DEFB114: variants seen among roughly 807,000 people sequenced by gnomAD.
DEFB114 encodes the protein beta-defensin 114.
In DEFB114, 4 loss-of-function variants were observed where a neutral mutation model predicts 2.4. The ratio of observed to expected loss-of-function variants is 1.67; its 90% CI spans 0.82 to 3.82. DEFB114 has a LOEUF of 3.82. DEFB114 is among the 30% of genes most tolerant of loss of function. The pLI is 0.01. For missense variants in DEFB114, 113 were observed against 85.8 expected, an observed-to-expected ratio of 1.32 and a Z score of -1.25; for synonymous variants, 35 against 24.6, an observed-to-expected ratio of 1.42 and a Z score of -1.26.
intron 1 of DEFB114, among the ~76,000 whole-genome samples, chr6:49,963,241 T>G (rs1351746284): frequency 6.7e-6 from 1 of 150,220 alleles, no homozygotes; most frequent in Non-Finnish European, 1.5e-5. Flanking sequence ...AGTTTCTTGT[T>G]CACAATATTC....
intron 1 of DEFB114, among the ~76,000 whole-genome samples, chr6:49,963,442 CAT>C (rs1480906634): frequency 1.3e-5 from 2 of 149,880 alleles, no homozygotes; most frequent in African/African-American, 2.4e-5. Context: ...AGTCTTATTA[CAT>C]GTTTGTAACT....
chr6:49,960,744 C>T (rs945867950), intron 1 of DEFB114, among the ~76,000 whole-genome samples: 8 of 150,626 alleles, frequency 5.3e-5, no homozygotes, highest in Non-Finnish European at 7.4e-5. Flanking sequence ...TAGAGCTACA[C>T]GACAATGTGC....
At chr6:49,961,876 A>C (rs1347219142) in intron 1 of DEFB114, among the ~76,000 whole-genome samples, 2 of 150,814 alleles carry the variant, frequency 1.3e-5, no homozygotes, top group Non-Finnish European at 3.0e-5. Context: ...ACAGTACAGC[A>C]CATATATTTT....
intron 1 of DEFB114, among the ~76,000 whole-genome samples, chr6:49,963,113 C>T (rs908094675): frequency 1.4e-4 from 21 of 149,982 alleles, no homozygotes; most frequent in African/African-American, 4.6e-4. Context: ...CAAACTTTTC[C>T]AGATAATAGA....
chr6:49,960,968 G>A (rs1773449244), intron 1 of DEFB114, among the ~76,000 whole-genome samples: 1 of 150,360 alleles, frequency 6.7e-6, no homozygotes, highest in Non-Finnish European at 1.5e-5. Flanking sequence ...TATTTATGTT[G>A]AATACTTTTC....
chr6:49,962,502 T>C (rs982157584), intron 1 of DEFB114, among the ~76,000 whole-genome samples: 12 of 150,402 alleles, frequency 8.0e-5, no homozygotes, highest in African/African-American at 2.7e-4. Flanking sequence ...GTTCCTTTTA[T>C]ATGCTAAATG....
intron 1 of DEFB114, among the ~76,000 whole-genome samples, chr6:49,963,321 T>A (rs1457269645): frequency 6.7e-6 from 1 of 150,236 alleles, no homozygotes; most frequent in Non-Finnish European, 1.5e-5. Flanking sequence ...TTGCCTTCAC[T>A]TTTTCTTTAC....
intron 1 of DEFB114, among the ~76,000 whole-genome samples, chr6:49,963,303 G>A (rs1011988067): frequency 1.1e-4 from 16 of 149,978 alleles, no homozygotes; most frequent in African/African-American, 3.9e-4. Context: ...CTCTGATAAA[G>A]TTTAGTTTTG....
intron 1 of DEFB114, among the ~76,000 whole-genome samples, chr6:49,963,352 A>G (rs1228012332): frequency 6.7e-6 from 1 of 150,088 alleles, no homozygotes; most frequent in Non-Finnish European, 1.5e-5. Flanking sequence ...AAGCTTTATT[A>G]ATTTTGTTAG....
intron 1 of DEFB114, among the ~76,000 whole-genome samples, 163 bp from the exon 2 acceptor site, chr6:49,960,609 A>G (rs1480776337): frequency 6.6e-6 from 1 of 150,978 alleles, no homozygotes; most frequent in Non-Finnish European, 1.5e-5. Context: ...ACTATCTTAT[A>G]CCCCAAATAT....
At chr6:49,962,345 G>A (rs1773476456) in intron 1 of DEFB114, among the ~76,000 whole-genome samples, 1 of 150,196 alleles carries the variant, frequency 6.7e-6, no homozygotes. Flanking sequence ...CAATTTTTCT[G>A]ATTACTGAAA....
intron 1 of DEFB114, among the ~76,000 whole-genome samples, chr6:49,960,889 T>C (rs1350295639): frequency 1.3e-5 from 2 of 150,920 alleles, no homozygotes; most frequent in East Asian, 3.9e-4. Context: ...AGTTTAATTT[T>C]AGAGTTTTGG....
At chr6:49,960,630 C>T (rs180837869) in intron 1 of DEFB114, among the ~76,000 whole-genome samples, 184 bp from the exon 2 acceptor site, 52 of 150,618 alleles carry the variant, frequency 3.5e-4, no homozygotes, top group Non-Finnish European at 4.6e-4. Context: ...ATATAACTAT[C>T]TTATACCCCA....
intron 1 of DEFB114, among the ~76,000 whole-genome samples, chr6:49,961,853 T>C (rs1227148754): frequency 6.6e-6 from 1 of 150,838 alleles, no homozygotes; most frequent in Non-Finnish European, 1.5e-5. Flanking sequence ...TTTTAAAGCT[T>C]TATGTGAATG....
intron 1 of DEFB114, 58 bp downstream of exon 1, chr6:49,963,993 A>G (rs1773502551): frequency 7.9e-7 from 1 of 1,273,274 alleles, no homozygotes; most frequent in South Asian, 1.3e-5. Context: ...TTAATAATTT[A>G]TTATTTCTAT....
In DEFB114 at chr6:49,960,250, G is replaced by A. The variant is rs1773432699; in HGVS notation, c.*42C>T. 9 of 1,545,068 alleles carry A rather than the reference G, an allele frequency of 5.8e-6. No homozygotes were observed. Among genetic ancestry groups the A allele is most frequent in the South Asian group, 1.3e-5 (1 of 79,864 alleles). On this transcript the variant is annotated 3_prime_UTR_variant, in exon 2 of 2. Transcript: ENST00000322066. Reference sequence around the variant, plus strand: ...TTATATTCCCACACCTCTCTGCACTGGTGCACATGTAACTTCTTTGTTCAG... The same window carrying A: ...TTATATTCCCACACCTCTCTGCACTAGTGCACATGTAACTTCTTTGTTCAG...
In DEFB114 at chr6:49,964,070, A is replaced by G. The variant is rs73737276; in HGVS notation, c.36T>C (p.Tyr12=). 0.11 allele frequency: 181,227 copies of G among 1,583,132 alleles called. 11,580 individuals carry two copies. The highest frequency in any genetic ancestry group is 0.13 in the Non-Finnish European group (146,965 of 1,160,340). The change falls in exon 1 of 2, where the codon TAT becomes TAC. Residue 12 remains tyrosine, a synonymous_variant. Transcript: ENST00000322066. ...TCTTACCTGGTAGAATGAAGGTCAC[A>G]TAACACAGAAAATGGAGATAGTAAA... ...RIFYYLHFLC[Y]VTFILPATCT... is the part of the protein sequence containing the mutation.
In DEFB114 at chr6:49,964,134, G is replaced by C; in HGVS notation, c.-29C>G. On this transcript the variant is annotated 5_prime_UTR_variant, in exon 1 of 2. It adds an upstream start codon to the 5' untranslated region. Coordinates refer to ENST00000322066, the MANE Select transcript of DEFB114 (RefSeq NM_001037499.2). Reference sequence around the variant, plus strand: ...GTAGAAAGAAGTTGTTGAAAGACTTGATAACAGAATATAGAGACTATAGAA... The same window carrying C: ...GTAGAAAGAAGTTGTTGAAAGACTTCATAACAGAATATAGAGACTATAGAA... 3.3e-6 allele frequency: 5 copies of C among 1,518,830 alleles called. No homozygotes were observed. Among genetic ancestry groups the C allele is most frequent in the Non-Finnish European group, 4.5e-6 (5 of 1,109,340 alleles). The allele number at this position is 1,518,830 out of a possible 1,614,324, so 94.1% of individuals were successfully genotyped here.
At chr6:49,963,394 AT>A (rs1773493933) in intron 1 of DEFB114, among the ~76,000 whole-genome samples, 1 of 149,726 alleles carries the variant, frequency 6.7e-6, no homozygotes, top group South Asian at 2.1e-4. Context: ...GGCCTTCTTT[AT>A]TTTCTCTAGT....
Sources: gnomAD v4.1 joint callset for allele counts (sites outside exome capture counted in the v4.1 genomes callset) on GRCh38, gnomAD v4.1.1 for gene constraint, MANE v1.5 for transcripts, NCBI Gene and HGNC (gene_info 2026-07-23, HGNC 2026-07-21) for gene names.